Variants in TNC observed in about 807,000 individuals in gnomAD.
TNC encodes the protein tenascin C.
TNC carries 109 observed loss-of-function variants against 202.4 expected under a neutral mutation model. The ratio of observed to expected loss-of-function variants is 0.54; its 90% CI spans 0.46 to 0.63. The LOEUF is 0.63. TNC is among the 30% of genes least tolerant of loss of function. The pLI is 0.00. For missense variants in TNC, 2,756 were observed against 2,833.3 expected (o/e 0.97, Z 0.62); for synonymous variants, 1,007 against 1,089.7 (o/e 0.92, Z 1.50).
At position 115,078,201 on chromosome 9, in the gene TNC, G is replaced by A; in HGVS notation, c.2416C>T (p.Pro806Ser). 2 of 1,606,102 alleles carry A rather than the reference G, an allele frequency of 1.2e-6. No individual in the cohort carries two copies. Among genetic ancestry groups the A allele is most frequent in the Non-Finnish European group, 1.7e-6 (2 of 1,173,666 alleles). ...KRVTTTRLDA[P>S]SQIEVKDVTD... ...ACATCTTTCACCTCGATCTGGCTGG[G>A]GGCATCCAAGCCTATGATGGGCAGA... Residue 806 changes from proline to serine, a missense_variant, in exon 7 of 28, where the codon CCC (proline) becomes TCC (serine). Around this residue, in one of 2 missense-constraint regions of TNC, gnomAD observed 2,559 missense variants for 2,546.0 expected, o/e 1.01. Coordinates refer to ENST00000350763, the MANE Select transcript of TNC (RefSeq NM_002160.4).
intron 1 of TNC, among the ~76,000 whole-genome samples, chr9:115,100,912 A>T (rs1184033337): frequency 6.6e-6 from 1 of 152,180 alleles, no homozygotes; most frequent in Non-Finnish European, 1.5e-5. Context: ...AAAAACCTTT[A>T]AAAATGCATA....
At chr9:115,042,376 C>T in intron 17 of TNC, 35 bp from the exon 18 acceptor site, 1 of 1,610,854 alleles carries the variant, frequency 6.2e-7, no homozygotes, top group Non-Finnish European at 8.5e-7. Context: ...AGCCCAGAAA[C>T]AGTTAACTGT....
At chr9:115,049,867 G>A (rs1236279578) in intron 15 of TNC, among the ~76,000 whole-genome samples, 3 of 152,152 alleles carry the variant, frequency 2.0e-5, no homozygotes, top group Non-Finnish European at 2.9e-5. Context: ...GAAGTGTTTG[G>A]TGACTGAATG....
rs1156997348 is a variant in TNC, at chr9:115,085,854, T to C, written c.1867+10A>G. ...GGCCATTATATGCTGGTCTGCGCCCTGGCACTCACCCTCTGAGCAGTCTTC... is the reference window on the plus strand; with the variant it reads ...GGCCATTATATGCTGGTCTGCGCCCCGGCACTCACCCTCTGAGCAGTCTTC... On this transcript the variant is annotated intron_variant, in intron 3 of 27. Coordinates refer to ENST00000350763, the MANE Select transcript of TNC (RefSeq NM_002160.4). 1 of 1,597,144 alleles carries C rather than the reference T, an allele frequency of 6.3e-7. No homozygotes were observed.
chr9:115,038,682 G>A lies in TNC; in HGVS notation c.5393-302C>T, dbSNP rs754190018. ...ATTATATTATGGGTGGAAAGGAGCTGTGTAAACTGAACAAGGCTGAACACA... is the reference window on the plus strand; with the variant it reads ...ATTATATTATGGGTGGAAAGGAGCTATGTAAACTGAACAAGGCTGAACACA... On this transcript the variant is annotated intron_variant, in intron 19 of 27. Coordinates refer to ENST00000350763, the MANE Select transcript of TNC (RefSeq NM_002160.4). Among the ~76,000 whole-genome samples the A allele has an allele frequency of 4.6e-4, 70 of 152,226 alleles. 2 individuals are homozygous for A. The highest frequency in any genetic ancestry group is 1.9e-4 in the Non-Finnish European group (13 of 68,050).
intron 23 of TNC, among the ~76,000 whole-genome samples, chr9:115,030,848 C>G (rs1721034054): frequency 2.6e-5 from 4 of 152,224 alleles, no homozygotes; most frequent in Admixed American, 1.3e-4. Flanking sequence ...GGATGCCACT[C>G]TTACTTATCA....
intron 15 of TNC, among the ~76,000 whole-genome samples, chr9:115,048,791 A>T (rs1396390085): frequency 6.6e-6 from 1 of 152,230 alleles, no homozygotes; most frequent in African/African-American, 2.4e-5. Flanking sequence ...TGATTGACTT[A>T]GCTAAAGTTA....
At chr9:115,029,587 T>C in intron 24 of TNC, 131 bp from the exon 25 acceptor site, 1 of 881,634 alleles carries the variant, frequency 1.1e-6, no homozygotes. Flanking sequence ...ATTTGCTATG[T>C]AACTTTGGGT....
At chr9:115,115,353 A>G (rs1451807089) in intron 1 of TNC, among the ~76,000 whole-genome samples, 2 of 152,206 alleles carry the variant, frequency 1.3e-5, no homozygotes, top group Non-Finnish European at 2.9e-5. Flanking sequence ...CAGAAGGAAC[A>G]CGGCAGAATG....
chr9:115,114,805 G>A (rs1016499495), intron 1 of TNC, among the ~76,000 whole-genome samples: 2 of 152,174 alleles, frequency 1.3e-5, no homozygotes, highest in African/African-American at 4.8e-5. Flanking sequence ...CCTCAGATGA[G>A]TCACCTAACT....
chr9:115,095,526 A>ATATATATATG (rs1564138265), intron 1 of TNC, among the ~76,000 whole-genome samples: 4 of 3,386 alleles, frequency 1.2e-3, no homozygotes, highest in African/African-American at 3.2e-3. Flanking sequence ...ATATATATGT[A>ATATATATATG]TATATATATG....
Position 115,028,924 on chromosome 9 carries a change from GAAAAAAAAAAAAAAAAAAAAAAAA to G in TNC, c.6169+412_6169+435del, listed in dbSNP as rs57737243. ...TACTAAAGCTCTCAACATTATCTCT[GAAAAAAAAAAAAAAAAAAAAAAAA>G]AAAAAAAAAAAAAAGAAAGTCATGG... On this transcript the variant is annotated intron_variant, in intron 25 of 27. Coordinates refer to ENST00000350763, the MANE Select transcript of TNC (RefSeq NM_002160.4). Among the ~76,000 whole-genome samples, 28 of 63,966 alleles carry G rather than the reference GAAAAAAAAAAAAAAAAAAAAAAAA, an allele frequency of 4.4e-4. No individual in the cohort carries two copies. The East Asian group carries it at 8.9e-3, about 20-fold the overall frequency. The allele number at this position is 63,966 out of a possible 152,430, so 42.0% of individuals were successfully genotyped here.
intron 1 of TNC, among the ~76,000 whole-genome samples, chr9:115,096,217 T>TC (rs1835777066): frequency 6.6e-6 from 1 of 152,218 alleles, no homozygotes; most frequent in South Asian, 2.1e-4. Context: ...AATAAAAACT[T>TC]CCCCGTGAGA....
At chr9:115,081,748 A>G (rs767377079) in intron 6 of TNC, 24 bp downstream of exon 6, 25 of 1,613,390 alleles carry the variant, frequency 1.5e-5, no homozygotes, top group East Asian at 8.9e-5. Flanking sequence ...TTATCATTCT[A>G]TAAGTATTAA....
In TNC at chr9:115,021,274, A is replaced by T. The variant is rs763188636; in HGVS notation, c.6496-7T>A. On this transcript the variant is annotated splice_polypyrimidine_tract_variant and splice_region_variant and intron_variant, in intron 27 of 27. Coordinates refer to ENST00000350763, the MANE Select transcript of TNC (RefSeq NM_002160.4). ...AGTGGAACCAGTTAACGCCCTGTTA[A>T]AAAAAAAAAAGAGAGAGAGAGAGAG... The T allele has an allele frequency of 7.1e-6, 9 of 1,271,420 alleles. No individual in the cohort carries two copies. Among genetic ancestry groups the T allele is most frequent in the Non-Finnish European group, 9.7e-6 (9 of 924,554 alleles). The allele number at this position is 1,271,420 out of a possible 1,614,324, so 78.8% of individuals were successfully genotyped here.
At chr9:115,085,038 CT>C (rs1412336797) in intron 3 of TNC, among the ~76,000 whole-genome samples, 2 of 152,086 alleles carry the variant, frequency 1.3e-5, no homozygotes, top group Non-Finnish European at 2.9e-5. Context: ...ATACCAATAA[CT>C]TTAGTAAAGG....
At position 115,021,128 on chromosome 9, in the gene TNC, T is replaced by C; in HGVS notation, c.*29A>G. 6.4e-7 allele frequency: 1 copy of C among 1,560,958 alleles called. No homozygotes were observed. Among genetic ancestry groups the C allele is most frequent in the East Asian group, 2.2e-5 (1 of 44,566 alleles). On this transcript the variant is annotated 3_prime_UTR_variant, in exon 28 of 28. Transcript: ENST00000350763. ...AATCCTTTCCTCGCTCTGGGCCTTATTCCTCTCTCACCCAGTGGTCCCTGG... is the reference window on the plus strand; with the variant it reads ...AATCCTTTCCTCGCTCTGGGCCTTACTCCTCTCTCACCCAGTGGTCCCTGG...
intron 1 of TNC, among the ~76,000 whole-genome samples, chr9:115,111,504 G>A (rs1837063078): frequency 7.5e-6 from 1 of 134,076 alleles, no homozygotes; most frequent in South Asian, 2.5e-4. Context: ...CGACTCCCAA[G>A]TTCAAGTGAT....
Position 115,087,275 on chromosome 9 carries a change from TGCAACAAAAGAA to T in TNC, c.458-14_458-3del. On this transcript the variant is annotated splice_region_variant and splice_polypyrimidine_tract_variant and intron_variant, in intron 2 of 27. Coordinates refer to ENST00000350763, the MANE Select transcript of TNC (RefSeq NM_002160.4). ...AGAAGGGCCTGGTGTCCAAGCGGCC[TGCAACAAAAGAA>T]ACAGAAGTTCTCAGCCAGGCTTAAG... 1 of 1,609,664 alleles carries T rather than the reference TGCAACAAAAGAA, an allele frequency of 6.2e-7. No homozygotes were observed. The highest frequency in any genetic ancestry group is 8.5e-7 in the Non-Finnish European group (1 of 1,176,360).
Sources: gnomAD v4.1 joint callset for allele counts (sites outside exome capture counted in the v4.1 genomes callset) on GRCh38, gnomAD v4.1.1 for gene constraint, gnomAD v4.1.1 regional missense constraint, MANE v1.5 for transcripts, NCBI Gene and HGNC (gene_info 2026-07-23, HGNC 2026-07-21) for gene names.